Variants in OSBPL8 observed in about 807,000 individuals in gnomAD.
OSBPL8 encodes oxysterol binding protein like 8, also known as oxysterol-binding protein-related protein 8.
OSBPL8 carries 59 observed loss-of-function variants against 125.5 expected under a neutral mutation model. The observed-to-expected ratio is 0.47, with a 90% CI of 0.38 to 0.58. The LOEUF (loss-of-function observed/expected upper bound fraction) is 0.58. Among genes scored for constraint, OSBPL8 ranks in the 20% least tolerant of loss-of-function variants. The pLI is 0.00. For synonymous variants in OSBPL8, 330 were observed against 338.9 expected (o/e 0.97, Z 0.29); for missense variants, 758 against 1,047.8 (o/e 0.72, Z 3.82).
chr12:76,356,162 T>TGGGGGGGGGTTGGG, intron 23 of OSBPL8, 141 bp from the exon 24 acceptor site: 1 of 131,274 alleles, frequency 7.6e-6, no homozygotes, highest in Non-Finnish European at 1.6e-5. Flanking sequence ...TATGTAGGGG[T>TGGGGGGGGGTTGGG]GGGGGGGGGC....
chr12:76,418,529 A>G (rs959074864), intron 4 of OSBPL8, among the ~76,000 whole-genome samples: 5 of 152,250 alleles, frequency 3.3e-5, no homozygotes, highest in Non-Finnish European at 5.9e-5. Context: ...TATAGAACCT[A>G]TAACAACAGC....
intron 4 of OSBPL8, among the ~76,000 whole-genome samples, chr12:76,423,517 TA>T (rs920719127): frequency 1.3e-5 from 2 of 152,098 alleles, no homozygotes; most frequent in South Asian, 2.1e-4. Context: ...CTTTCCTGCT[TA>T]AAAAAAATTT....
intron 4 of OSBPL8, among the ~76,000 whole-genome samples, chr12:76,411,770 G>T (rs2136426120): frequency 6.6e-6 from 1 of 152,186 alleles, no homozygotes; most frequent in Non-Finnish European, 1.5e-5. Context: ...ACTAGTTAGT[G>T]ATTTGGGGTA....
chr12:76,443,460 A>G (rs993741292), intron 4 of OSBPL8, among the ~76,000 whole-genome samples: 1 of 152,132 alleles, frequency 6.6e-6, no homozygotes, highest in African/African-American at 2.4e-5. Flanking sequence ...CTTAGTTAAA[A>G]GCAGAGGAGG....
intron 16 of OSBPL8, among the ~76,000 whole-genome samples, chr12:76,377,184 A>G (rs145742718): frequency 6.6e-6 from 1 of 152,174 alleles, no homozygotes; most frequent in Non-Finnish European, 1.5e-5. Flanking sequence ...ACTGATGGGC[A>G]TTTGGGTTGG....
chr12:76,503,306 C>A (rs1191819795), intron 1 of OSBPL8, among the ~76,000 whole-genome samples: 1 of 152,158 alleles, frequency 6.6e-6, no homozygotes, highest in Non-Finnish European at 1.5e-5. Context: ...CTTGAGATGG[C>A]CATTTTCTCC....
At chr12:76,520,690 A>G (rs1296690505) in intron 1 of OSBPL8, among the ~76,000 whole-genome samples, 2 of 152,204 alleles carry the variant, frequency 1.3e-5, no homozygotes, top group African/African-American at 4.8e-5. Context: ...TACACATTGC[A>G]TAGTAAATGT....
intron 18 of OSBPL8, among the ~76,000 whole-genome samples, chr12:76,372,495 A>AT (rs1211938344): frequency 6.6e-6 from 1 of 152,064 alleles, no homozygotes; most frequent in African/African-American, 2.4e-5. Context: ...CAGAAATTTC[A>AT]TTTTTTAAAA....
At chr12:76,469,690 C>T (rs1290567579) in intron 2 of OSBPL8, among the ~76,000 whole-genome samples, 1 of 152,106 alleles carries the variant, frequency 6.6e-6, no homozygotes, top group Non-Finnish European at 1.5e-5. Context: ...TATTTTGTTA[C>T]TCTCTATCCT....
At chr12:76,521,084 A>T (rs1882021721) in intron 1 of OSBPL8, among the ~76,000 whole-genome samples, 1 of 152,214 alleles carries the variant, frequency 6.6e-6, no homozygotes, top group African/African-American at 2.4e-5. Flanking sequence ...CACTTCTTAT[A>T]TTTTAAGAAT....
At chr12:76,413,734 C>T (rs140739604) in intron 4 of OSBPL8, among the ~76,000 whole-genome samples, 20 of 151,858 alleles carry the variant, frequency 1.3e-4, no homozygotes, top group Non-Finnish European at 2.9e-4. Flanking sequence ...TGTTAATTGG[C>T]TAATTTCCTC....
intron 12 of OSBPL8, among the ~76,000 whole-genome samples, chr12:76,388,430 A>C (rs1953412637): frequency 6.6e-6 from 1 of 152,222 alleles, no homozygotes; most frequent in South Asian, 2.1e-4. Context: ...ATGCCAGAAA[A>C]GTACAATCTT....
At chr12:76,531,210 C>A (rs1950330732) in intron 1 of OSBPL8, among the ~76,000 whole-genome samples, 1 of 152,130 alleles carries the variant, frequency 6.6e-6, no homozygotes, top group Non-Finnish European at 1.5e-5. Flanking sequence ...TATAAAACCA[C>A]CAGAAGTGCT....
rs191644576 is a variant in OSBPL8 at position 76,356,004 on chromosome 12, C to T, written c.2555G>A (p.Arg852Gln). ...EEIKRNIMAL[R>Q]NHLVSSTPAT... ...CGGTGTGCTTGAAACTAAATGATTTCGAAGAGCCATAATATTTCTATAAAA... is the reference window on the plus strand; with the variant it reads ...CGGTGTGCTTGAAACTAAATGATTTTGAAGAGCCATAATATTTCTATAAAA... The change falls in exon 24 of 24, where the codon CGA (arginine) becomes CAA (glutamine). Residue 852 changes from arginine to glutamine, a missense_variant. Transcript: ENST00000261183. 41 of 1,610,862 alleles carry T rather than the reference C, an allele frequency of 2.5e-5. No individual in the cohort carries two copies. The East Asian group carries it at 2.9e-4, about 11-fold the overall frequency.
At chr12:76,430,027 C>A (rs1260733162) in intron 4 of OSBPL8, among the ~76,000 whole-genome samples, 1 of 152,144 alleles carries the variant, frequency 6.6e-6, no homozygotes, top group Non-Finnish European at 1.5e-5. Context: ...CTGCTGACTT[C>A]CAACACAACT....
At chr12:76,477,745 C>CACTAAT (rs1390860134) in intron 2 of OSBPL8, among the ~76,000 whole-genome samples, 1 of 152,048 alleles carries the variant, frequency 6.6e-6, no homozygotes, top group African/African-American at 2.4e-5. Context: ...ACATGTACCA[C>CACTAAT]ACTAATATAA....
At position 76,369,912 on chromosome 12, in the gene OSBPL8, A is replaced by G. The variant is rs577490952; in HGVS notation, c.2055-90T>C. On this transcript the variant is annotated intron_variant, in intron 19 of 23. Transcript: ENST00000261183. ...TAGGCCTCAAATCCCTTGTAGAGAAAATAATGCTCACATGAATTTCTGGCT... is the reference window on the plus strand; with the variant it reads ...TAGGCCTCAAATCCCTTGTAGAGAAGATAATGCTCACATGAATTTCTGGCT... The G allele has an allele frequency of 2.0e-3, 2,388 of 1,209,916 alleles. 3 individuals are homozygous for G. Among genetic ancestry groups the G allele is most frequent in the Admixed American group, 2.8e-3 (100 of 35,112 alleles). 74.9% of individuals were successfully genotyped at this position (1,209,916 alleles called of 1,614,324 possible).
intron 5 of OSBPL8, among the ~76,000 whole-genome samples, chr12:76,403,926 T>C (rs529697513): frequency 2.0e-5 from 3 of 152,270 alleles, no homozygotes; most frequent in South Asian, 4.1e-4. Context: ...AACGAATTAA[T>C]AAAATGAAAA....
intron 1 of OSBPL8, among the ~76,000 whole-genome samples, chr12:76,539,345 G>T (rs554943545): frequency 2.6e-4 from 39 of 151,824 alleles, no homozygotes; most frequent in African/African-American, 8.9e-4. Context: ...AAGTCAAAAA[G>T]GGCAAAGAAA....
Sources: allele counts gnomAD v4.1 joint callset (sites outside exome capture counted in the v4.1 genomes callset), GRCh38; gene constraint gnomAD v4.1.1; transcripts MANE v1.5; gene names NCBI Gene and HGNC (gene_info 2026-07-23, HGNC 2026-07-21).